ATP2B4: variants seen among roughly 807,000 people sequenced by gnomAD.
ATP2B4 encodes plasma membrane calcium-transporting ATPase 4.
Under a neutral mutation model 110.3 loss-of-function variants are expected in ATP2B4, and 39 were observed. The observed-to-expected ratio is 0.35, with a 90% confidence interval of 0.27 to 0.46. The LOEUF is 0.46. ATP2B4 is among the 20% of genes least tolerant of loss of function. The probability of loss-of-function intolerance (pLI) is 1.00; values close to 1 mark genes in which losing one functional copy is unlikely to be tolerated. For synonymous variants in ATP2B4, 538 were observed against 571.7 expected, an observed-to-expected ratio of 0.94 and a Z score of 0.84; for missense variants, 1,135 against 1,530.9, an observed-to-expected ratio of 0.74 and a Z score of 4.32.
chr1:203,666,186 G>A (rs1018535819), intron 1 of ATP2B4, among the ~76,000 whole-genome samples: 2 of 152,224 alleles, frequency 1.3e-5, no homozygotes, highest in Non-Finnish European at 1.5e-5. Context: ...CACCAGCTCA[G>A]GAGGAAGCAT....
chr1:203,671,293 G>T (rs1229893004), intron 1 of ATP2B4, among the ~76,000 whole-genome samples: 1 of 152,092 alleles, frequency 6.6e-6, no homozygotes, highest in Middle Eastern at 3.2e-3. Flanking sequence ...ACATTGACTT[G>T]TGACTCCCAC....
rs201784680 is a variant in ATP2B4 at position 203,707,100 on chromosome 1, G to C, written c.1191G>C (p.Glu397Asp). ...FVINRRPWLP[E>D]CTPIYIQYFV... The stretch of plus-strand genomic sequence containing the variant: ...TAAATCGCAGACCATGGCTCCCTGA[G>C]TGTACTCCCATCTACATCCAGTACT... The change falls in exon 9 of 21, where the codon GAG becomes GAC. Residue 397 changes from glutamate (E) to aspartate (D), a missense_variant. Transcript: ENST00000357681. 1.2e-6 allele frequency: 2 copies of C among 1,614,160 alleles called. No individual in the cohort carries two copies. Among genetic ancestry groups the C allele is most frequent in the Middle Eastern group, 1.6e-4 (1 of 6,062 alleles).
chr1:203,707,997 G>A lies in ATP2B4; in HGVS notation c.1450G>A (p.Gly484Ser), dbSNP rs749715652. 1.2e-6 allele frequency: 2 copies of A among 1,614,122 alleles called. No individual in the cohort carries two copies. The highest frequency in any genetic ancestry group is 1.7e-6 in the Non-Finnish European group (2 of 1,180,038). ...RMTVVQAYIG[G>S]IHYRQIPSPD... ...GACTGTGGTACAAGCTTATATTGGG[G>A]GCATCCATTACCGTCAAATCCCAAG... is the stretch of plus-strand genomic sequence containing the variant. The change falls in exon 10 of 21, where the codon GGC becomes AGC. Residue 484 changes from glycine to serine, a missense_variant. Transcript: ENST00000357681.
Position 203,733,984 on chromosome 1 carries a change from T to C in ATP2B4, c.3310-5562T>C, listed in dbSNP as rs139657710. ...TAATAATAGTCCATTTGGCCACCAC[T>C]GTATTGCTGACTGGCAATTTTAGCA... On this transcript the variant is annotated intron_variant, in intron 20 of 20. Transcript: ENST00000357681. Among the ~76,000 whole-genome samples the C allele has an allele frequency of 1.7e-3, 264 of 152,340 alleles. 1 individual carries two copies. The highest frequency in any genetic ancestry group is 6.0e-3 in the African/African-American group (249 of 41,586).
At chr1:203,650,253 C>A (rs1352861748) in intron 1 of ATP2B4, among the ~76,000 whole-genome samples, 1 of 152,130 alleles carries the variant, frequency 6.6e-6, no homozygotes, top group Non-Finnish European at 1.5e-5. Context: ...GCTGAGAAGT[C>A]GGCTGAGCCA....
chr1:203,689,521 G>C (rs1335936811), intron 2 of ATP2B4, among the ~76,000 whole-genome samples: 2 of 152,158 alleles, frequency 1.3e-5, no homozygotes, highest in African/African-American at 4.8e-5. Flanking sequence ...AGGCTATTTT[G>C]GTTGAATTTG....
chr1:203,703,901 C>A, intron 8 of ATP2B4, 88 bp downstream of exon 8: 1 of 1,461,654 alleles, frequency 6.8e-7, no homozygotes, highest in South Asian at 1.4e-5. Context: ...CCGACCGAGA[C>A]TGGCAGAAAG....
At chr1:203,657,155 CACCAAGTAT>C in intron 1 of ATP2B4, 1 of 827,310 alleles carries the variant, frequency 1.2e-6, no homozygotes, top group Non-Finnish European at 2.1e-6. Context: ...TTCTTCTTTA[CACCAAGTAT>C]TGGTGGGCAA....
chr1:203,708,161 T>G, intron 10 of ATP2B4, 57 bp downstream of exon 10: 1 of 1,603,582 alleles, frequency 6.2e-7, no homozygotes, highest in East Asian at 2.2e-5. Context: ...GAACATCCAT[T>G]TTCTCTGAAA....
intron 19 of ATP2B4, among the ~76,000 whole-genome samples, chr1:203,726,256 T>C (rs1296459176): frequency 2.0e-5 from 3 of 151,590 alleles, no homozygotes; most frequent in Non-Finnish European, 4.4e-5. Flanking sequence ...AATAAAGAGA[T>C]TGGGGTCTCA....
chr1:203,686,685 CTTTT>C lies in ATP2B4; in HGVS notation c.193+3310_193+3313del, dbSNP rs779048789. On this transcript the variant is annotated intron_variant, in intron 2 of 20. Transcript: ENST00000357681. ...CCTGGTGTTTTTCTTTCTTTTCTTTCTTTTTTTTTTTTTTTTTTTTTTTTTTAGA... is the reference window on the plus strand; with the variant it reads ...CCTGGTGTTTTTCTTTCTTTTCTTTCTTTTTTTTTTTTTTTTTTTTTTAGA... Among the ~76,000 whole-genome samples the C allele has an allele frequency of 7.9e-4, 34 of 42,782 alleles. 1 individual carries two copies. The South Asian group carries it at 0.011, about 14-fold the overall frequency. The allele number at this position is 42,782 out of a possible 152,430, so 28.1% of individuals were successfully genotyped here. A position where few individuals can be genotyped will look rare whatever the true frequency, so the allele number is the denominator to read the frequency against.
At chr1:203,698,586 T>A (rs1479811464) in intron 3 of ATP2B4, among the ~76,000 whole-genome samples, 1 of 151,650 alleles carries the variant, frequency 6.6e-6, no homozygotes, top group Non-Finnish European at 1.5e-5. Context: ...TATTAAATCC[T>A]TTTTCGGAAT....
chr1:203,709,086 G>C (rs987254221), intron 10 of ATP2B4, among the ~76,000 whole-genome samples: 1 of 152,200 alleles, frequency 6.6e-6, no homozygotes, highest in Non-Finnish European at 1.5e-5. Context: ...GAACCTGGGA[G>C]GTGGAGGTTG....
intron 1 of ATP2B4, among the ~76,000 whole-genome samples, chr1:203,633,914 G>A (rs1663356373): frequency 1.3e-5 from 2 of 152,018 alleles, no homozygotes; most frequent in African/African-American, 2.4e-5. Context: ...GCCGGGCGTG[G>A]TAGTGCATGC....
intron 2 of ATP2B4, 122 bp from the exon 3 acceptor site, chr1:203,698,035 C>T (rs1665584604): frequency 1.3e-6 from 1 of 789,678 alleles, no homozygotes; most frequent in Non-Finnish European, 2.1e-6. Context: ...GAGACAGCGT[C>T]TCTCTCTGTT....
intron 1 of ATP2B4, among the ~76,000 whole-genome samples, chr1:203,672,676 G>A (rs1664710124): frequency 6.6e-6 from 1 of 152,124 alleles, no homozygotes; most frequent in South Asian, 2.1e-4. Context: ...GCAACCAGGG[G>A]CAGTAATGTT....
At chr1:203,710,781 AG>A (rs1665982883) in intron 11 of ATP2B4, 95 bp from the exon 12 acceptor site, 1 of 951,392 alleles carries the variant, frequency 1.1e-6, no homozygotes, top group Admixed American at 2.1e-5. Context: ...CAATGTCTTT[AG>A]GAATAATACA....
chr1:203,721,244 G>A lies in ATP2B4; in HGVS notation c.2646G>A (p.Met882Ile). The change falls in exon 17 of 21, where the codon ATG (methionine) becomes ATA (isoleucine). Residue 882 changes from methionine (M) to isoleucine (I), a missense_variant. Physicochemically the swap from Met to Ile is conservative, Grantham distance 10. Around this residue, in one of 9 missense-constraint regions of ATP2B4, gnomAD observed 70 missense variants for 142.4 expected, o/e 0.49. Coordinates refer to ENST00000357681, the MANE Select transcript of ATP2B4 (RefSeq NM_001684.5). Reference sequence around the variant, plus strand: ...AGATGTTGTGGGTTAATCTGATCATGGACACTTTTGCTTCATTGGCCCTGG... The same window carrying A: ...AGATGTTGTGGGTTAATCTGATCATAGACACTTTTGCTTCATTGGCCCTGG... ...AVQMLWVNLI[M>I]DTFASLALAT... 1 of 1,614,210 alleles carries A rather than the reference G, an allele frequency of 6.2e-7. No individual in the cohort carries two copies. The highest frequency in any genetic ancestry group is 8.5e-7 in the Non-Finnish European group (1 of 1,180,030).
chr1:203,702,563 C>G (rs1428880321), intron 7 of ATP2B4, among the ~76,000 whole-genome samples: 1 of 152,138 alleles, frequency 6.6e-6, no homozygotes, highest in Admixed American at 6.6e-5. Context: ...TTGGAGAGAG[C>G]CCTTTCTCTG....
Sources: gnomAD v4.1 joint callset for allele counts (sites outside exome capture counted in the v4.1 genomes callset) on GRCh38, gnomAD v4.1.1 for gene constraint, gnomAD v4.1.1 regional missense constraint, MANE v1.5 for transcripts, NCBI Gene and HGNC (gene_info 2026-07-23, HGNC 2026-07-21) for gene names.